GRIN2A: variants seen among roughly 807,000 people sequenced by gnomAD.
GRIN2A encodes glutamate receptor ionotropic, NMDA 2A.
GRIN2A carries 22 observed loss-of-function variants against 113.4 expected under a neutral mutation model. The ratio of observed to expected loss-of-function variants is 0.19; its 90% confidence interval spans 0.14 to 0.28. The LOEUF (loss-of-function observed/expected upper bound fraction) is 0.28, where lower values mean the gene tolerates loss of function less well. Among genes scored for constraint, GRIN2A ranks in the 10% least tolerant of loss-of-function variants. GRIN2A has a pLI of 1.00. For missense variants in GRIN2A, 1,502 were observed against 1,887.0 expected (o/e 0.80, Z 3.78); for synonymous variants, 827 against 738.4 (o/e 1.12, Z -1.94).
chr16:9,812,887 A>G (rs2042112291), intron 10 of GRIN2A, among the ~76,000 whole-genome samples: 1 of 152,198 alleles, frequency 6.6e-6, no homozygotes, highest in African/African-American at 2.4e-5. Context: ...CAAAGGCTCC[A>G]CAATTGTGAA....
intron 2 of GRIN2A, among the ~76,000 whole-genome samples, chr16:9,940,824 A>C (rs926988733): frequency 3.3e-5 from 5 of 152,202 alleles, no homozygotes; most frequent in African/African-American, 4.8e-5. Context: ...GAGAATATAG[A>C]AGACCTATAA....
intron 11 of GRIN2A, among the ~76,000 whole-genome samples, chr16:9,792,703 G>C (rs972040565): frequency 2.6e-5 from 4 of 152,172 alleles, no homozygotes; most frequent in African/African-American, 9.7e-5. Flanking sequence ...CTAGATGTCA[G>C]GGATGAGTAA....
intron 2 of GRIN2A, among the ~76,000 whole-genome samples, chr16:9,994,061 A>C (rs2046176954): frequency 6.6e-6 from 1 of 152,214 alleles, no homozygotes; most frequent in East Asian, 1.9e-4. Flanking sequence ...CATCACATGG[A>C]ATATCACCCT....
chr16:10,134,514 A>G (rs2142230802), intron 2 of GRIN2A, among the ~76,000 whole-genome samples: 1 of 152,158 alleles, frequency 6.6e-6, no homozygotes, highest in East Asian at 1.9e-4. Flanking sequence ...CATTAGGAGA[A>G]ATACTTAATG....
intron 2 of GRIN2A, among the ~76,000 whole-genome samples, chr16:10,094,337 C>T (rs1474647493): frequency 1.3e-5 from 2 of 152,184 alleles, no homozygotes; most frequent in African/African-American, 2.4e-5. Context: ...TTGAGCTGGT[C>T]ATTCCCTATC....
At chr16:10,048,564 T>C (rs906022272) in intron 2 of GRIN2A, among the ~76,000 whole-genome samples, 1 of 152,196 alleles carries the variant, frequency 6.6e-6, no homozygotes, top group Non-Finnish European at 1.5e-5. Flanking sequence ...TCAGGAAATA[T>C]GCCTGAATAA....
At chr16:10,123,333 CCT>C (rs1333106235) in intron 2 of GRIN2A, among the ~76,000 whole-genome samples, 1 of 152,088 alleles carries the variant, frequency 6.6e-6, no homozygotes, top group Non-Finnish European at 1.5e-5. Flanking sequence ...GCTGAAGCAG[CCT>C]CTTTTTTTTA....
At position 10,164,527 on chromosome 16, in the gene GRIN2A, T is replaced by A. The variant is rs115696447; in HGVS notation, c.414+15471A>T. 4.5e-3 allele frequency among the ~76,000 whole-genome samples: 686 copies of A among 152,320 alleles called. 2 individuals carry two copies. The highest frequency in any genetic ancestry group is 0.015 in the African/African-American group (608 of 41,568). ...CTCTACCTAGACTCCTGGCAAATCA[T>A]AACAGTGGGGTCCCACAGAATGATT... On this transcript the variant is annotated intron_variant, in intron 2 of 12. Transcript: ENST00000330684.
At chr16:9,980,617 G>T (rs1356251543) in intron 2 of GRIN2A, among the ~76,000 whole-genome samples, 2 of 152,048 alleles carry the variant, frequency 1.3e-5, no homozygotes, top group Non-Finnish European at 2.9e-5. Flanking sequence ...ACTAGATTAA[G>T]AAAATGTGGC....
chr16:10,175,246 G>A (rs1265567125), intron 2 of GRIN2A, among the ~76,000 whole-genome samples: 2 of 152,176 alleles, frequency 1.3e-5, no homozygotes, highest in East Asian at 1.9e-4. Context: ...CCACCATGAA[G>A]CAACGCATGA....
chr16:10,046,107 G>A (rs1019370689), intron 2 of GRIN2A, among the ~76,000 whole-genome samples: 2 of 152,172 alleles, frequency 1.3e-5, no homozygotes, highest in African/African-American at 4.8e-5. Context: ...TAGCCCCATT[G>A]CCTTAGCCAG....
At chr16:9,920,789 G>A (rs1032568852) in intron 3 of GRIN2A, among the ~76,000 whole-genome samples, 1 of 151,980 alleles carries the variant, frequency 6.6e-6, no homozygotes, top group Non-Finnish European at 1.5e-5. Flanking sequence ...AGCTGACCTC[G>A]TGATCCCCCT....
intron 2 of GRIN2A, among the ~76,000 whole-genome samples, chr16:10,107,104 G>C (rs962621331): frequency 1.3e-5 from 2 of 152,170 alleles, no homozygotes; most frequent in East Asian, 1.9e-4. Flanking sequence ...GGGCTAGGAT[G>C]ATGACTGGAT....
At chr16:9,820,397 G>A (rs1312761022) in intron 10 of GRIN2A, among the ~76,000 whole-genome samples, 1 of 152,206 alleles carries the variant, frequency 6.6e-6, no homozygotes, top group Non-Finnish European at 1.5e-5. Flanking sequence ...AGGTATCTGT[G>A]AAAGTGGAAG....
intron 2 of GRIN2A, among the ~76,000 whole-genome samples, chr16:10,063,850 A>G (rs958953889): frequency 2.0e-5 from 3 of 152,160 alleles, no homozygotes; most frequent in Non-Finnish European, 2.9e-5. Context: ...TTGCACCGCC[A>G]AAAGCCGGGC....
At chr16:10,019,041 C>A (rs1316799389) in intron 2 of GRIN2A, among the ~76,000 whole-genome samples, 10 of 150,606 alleles carry the variant, frequency 6.6e-5, no homozygotes, top group Admixed American at 5.3e-4. Flanking sequence ...CCCAATAAGT[C>A]CAAGGAAGTG....
chr16:9,958,352 T>C (rs1332917516), intron 2 of GRIN2A, among the ~76,000 whole-genome samples: 1 of 152,110 alleles, frequency 6.6e-6, no homozygotes, highest in Non-Finnish European at 1.5e-5. Context: ...TCTTCTGAGA[T>C]CATCTTTCTT....
chr16:10,044,398 G>A (rs2047224472), intron 2 of GRIN2A, among the ~76,000 whole-genome samples: 1 of 151,590 alleles, frequency 6.6e-6, no homozygotes, highest in Admixed American at 6.6e-5. Context: ...GCTTTTTGCT[G>A]CACAGAAAAG....
rs1389421362 is a variant in GRIN2A, at chr16:9,938,510, C to A, written c.456G>T (p.Gln152His). The stretch of plus-strand genomic sequence containing the variant: ...TCTTCAGCATGACCGTGGCTTGCTG[C>A]TGGATGGACGCTCCAAACTGGAAGA... ...STFFQFGASI[Q>H]QQATVMLKIM... Residue 152 changes from glutamine to histidine, a missense_variant, in exon 3 of 13, where the codon CAG becomes CAT. Coordinates refer to ENST00000330684, the MANE Select transcript of GRIN2A (RefSeq NM_001134407.3). The A allele has an allele frequency of 6.2e-7, 1 of 1,609,856 alleles. No homozygotes were observed. Among genetic ancestry groups the A allele is most frequent in the Non-Finnish European group, 8.5e-7 (1 of 1,179,944 alleles).
Sources: allele counts gnomAD v4.1 joint callset (sites outside exome capture counted in the v4.1 genomes callset), GRCh38; gene constraint gnomAD v4.1.1; transcripts MANE v1.5; gene names NCBI Gene and HGNC (gene_info 2026-07-23, HGNC 2026-07-21).